Variants in MACROD2 observed in about 807,000 individuals in gnomAD.
The protein encoded by MACROD2 is ADP-ribose glycohydrolase MACROD2.
Under a neutral mutation model 70.4 loss-of-function variants are expected in MACROD2, and 36 were observed. The observed-to-expected ratio is 0.51, with a 90% CI of 0.39 to 0.68. The LOEUF is 0.68. Among genes scored for constraint, MACROD2 ranks in the 30% least tolerant of loss-of-function variants. The pLI is 0.00. For missense variants in MACROD2, 496 were observed against 538.4 expected (o/e 0.92, Z 0.78); for synonymous variants, 172 against 178.8 (o/e 0.96, Z 0.30).
intron 4 of MACROD2, among the ~76,000 whole-genome samples, chr20:14,514,245 A>G (rs780517253): frequency 5.9e-5 from 9 of 152,132 alleles, no homozygotes; most frequent in Non-Finnish European, 1.3e-4. Flanking sequence ...AATAAAAGAG[A>G]ATTATCGCCA....
chr20:15,566,148 A>C (rs765217183), intron 8 of MACROD2, among the ~76,000 whole-genome samples: 1 of 152,292 alleles, frequency 6.6e-6, no homozygotes, highest in African/African-American at 2.4e-5. Flanking sequence ...TAATATATGC[A>C]GTTGATATCC....
At chr20:14,200,328 A>G (rs1321740780) in intron 3 of MACROD2, among the ~76,000 whole-genome samples, 1 of 152,186 alleles carries the variant, frequency 6.6e-6, no homozygotes, top group Non-Finnish European at 1.5e-5. Flanking sequence ...AATTATGAGA[A>G]CACATGGACC....
intron 3 of MACROD2, among the ~76,000 whole-genome samples, chr20:14,173,781 C>G (rs898763879): frequency 1.3e-5 from 2 of 152,128 alleles, no homozygotes; most frequent in Admixed American, 6.5e-5. Context: ...TCAAGGGCTG[C>G]TGTTCAGATT....
chr20:14,502,936 T>A (rs429549), intron 4 of MACROD2, among the ~76,000 whole-genome samples: 148,166 of 152,282 alleles, frequency 0.97, 72,222 homozygotes, highest in East Asian at 1. Context: ...AAGTATTTAA[T>A]TGCCCAGAGT....
intron 3 of MACROD2, among the ~76,000 whole-genome samples, chr20:14,340,596 T>A (rs1913371446): frequency 6.6e-6 from 1 of 152,288 alleles, no homozygotes; most frequent in Admixed American, 6.5e-5. Flanking sequence ...TTTTTTTCTC[T>A]TGTACTTACA....
intron 8 of MACROD2, among the ~76,000 whole-genome samples, chr20:15,815,475 G>A (rs529980130): frequency 1.3e-5 from 2 of 151,998 alleles, no homozygotes; most frequent in African/African-American, 4.8e-5. Context: ...GACAGCTGGT[G>A]TTCATATGAC....
At chr20:15,325,926 A>T (rs2077924103) in intron 6 of MACROD2, among the ~76,000 whole-genome samples, 1 of 152,154 alleles carries the variant, frequency 6.6e-6, no homozygotes, top group Admixed American at 6.6e-5. Context: ...TAGGTTCTTG[A>T]TGTCCCCTGT....
chr20:14,819,550 G>T (rs766318018), intron 5 of MACROD2, among the ~76,000 whole-genome samples: 4 of 152,092 alleles, frequency 2.6e-5, no homozygotes, highest in Non-Finnish European at 4.4e-5. Flanking sequence ...CTTACCATCC[G>T]GTAGGGAGGT....
At chr20:15,796,536 C>A (rs538459796) in intron 8 of MACROD2, among the ~76,000 whole-genome samples, 1 of 152,302 alleles carries the variant, frequency 6.6e-6, no homozygotes, top group South Asian at 2.1e-4. Context: ...GCTCTAAAAT[C>A]AGATTCCCTG....
chr20:14,328,284 ATT>A, intron 3 of MACROD2, among the ~76,000 whole-genome samples: 1 of 152,036 alleles, frequency 6.6e-6, no homozygotes. Flanking sequence ...TAAGTGGAAA[ATT>A]TCACTTCATA....
intron 3 of MACROD2, among the ~76,000 whole-genome samples, chr20:14,435,144 A>C (rs1048485287): frequency 5.9e-5 from 9 of 152,174 alleles, no homozygotes; most frequent in African/African-American, 2.2e-4. Flanking sequence ...CAAGAAATAA[A>C]GAATCCTTCC....
At chr20:15,844,873 T>TA (rs2064213288) in intron 8 of MACROD2, among the ~76,000 whole-genome samples, 1 of 152,128 alleles carries the variant, frequency 6.6e-6, no homozygotes, top group South Asian at 2.1e-4. Flanking sequence ...TATTTTTTTT[T>TA]ATCAGAAATA....
intron 5 of MACROD2, among the ~76,000 whole-genome samples, chr20:15,112,407 A>T (rs921219739): frequency 1.4e-4 from 21 of 152,292 alleles, no homozygotes; most frequent in African/African-American, 4.6e-4. Context: ...ATTTGAAATT[A>T]TTCTTATCAC....
At chr20:15,581,266 A>C (rs960983819) in intron 8 of MACROD2, among the ~76,000 whole-genome samples, 2 of 152,182 alleles carry the variant, frequency 1.3e-5, no homozygotes, top group Admixed American at 1.3e-4. Context: ...ACCATTTTTC[A>C]CTGTCTCTGT....
Position 14,150,502 on chromosome 20 carries a change from T to G in MACROD2, c.271+64774T>G, listed in dbSNP as rs920987472. On this transcript the variant is annotated intron_variant, in intron 3 of 17. Transcript: ENST00000684519. ...TTGGAATTATTATCTTTCTTCTAAA[T>G]GCAAGCAGTACTTTTTCCCTCAGCA... 5.3e-5 allele frequency among the ~76,000 whole-genome samples: 8 copies of G among 152,326 alleles called. No individual in the cohort carries two copies. The East Asian group carries it at 9.6e-4, about 18-fold the overall frequency.
chr20:14,121,632 T>G (rs1041705823), intron 3 of MACROD2, among the ~76,000 whole-genome samples: 2 of 152,208 alleles, frequency 1.3e-5, no homozygotes, highest in East Asian at 1.9e-4. Context: ...ATAAGTAGTA[T>G]TATACTTTGG....
intron 5 of MACROD2, among the ~76,000 whole-genome samples, chr20:14,986,869 A>G (rs2074853844): frequency 6.6e-6 from 1 of 152,166 alleles, no homozygotes. Context: ...CAAAAAAAGT[A>G]TGACTGCAAA....
rs186570772 is a variant in MACROD2, at chr20:15,138,164, A to T, written c.419-91776A>T. On this transcript the variant is annotated intron_variant, in intron 5 of 17. Coordinates refer to ENST00000684519, the MANE Select transcript of MACROD2 (RefSeq NM_001351661.2). ...AGAGAGTTTTTGCATATGTATATTCACTATTAATACACAGAAGATTCCTAA... is the reference window on the plus strand; with the variant it reads ...AGAGAGTTTTTGCATATGTATATTCTCTATTAATACACAGAAGATTCCTAA... Among the ~76,000 whole-genome samples the T allele has an allele frequency of 2.4e-3, 358 of 152,250 alleles. 1 individual carries two copies. Among genetic ancestry groups the T allele is most frequent in the Non-Finnish European group, 4.3e-3 (291 of 68,006 alleles).
intron 2 of MACROD2, among the ~76,000 whole-genome samples, chr20:14,071,084 C>T (rs2053830749): frequency 4.6e-5 from 7 of 152,178 alleles, no homozygotes; most frequent in Admixed American, 4.6e-4. Context: ...GGGAGTTTGA[C>T]AGTCCCATAG....
Sources: gnomAD v4.1 joint callset for allele counts (sites outside exome capture counted in the v4.1 genomes callset) on GRCh38, gnomAD v4.1.1 for gene constraint, MANE v1.5 for transcripts, NCBI Gene and HGNC (gene_info 2026-07-23, HGNC 2026-07-21) for gene names.